NHLRC2: variants seen among roughly 807,000 people sequenced by gnomAD.
The protein encoded by NHLRC2 is NHL repeat-containing protein 2.
Under a neutral mutation model 68.1 loss-of-function variants are expected in NHLRC2, and 33 were observed. That is an observed-to-expected ratio of 0.48 (90% CI 0.37 to 0.65). The LOEUF is 0.65. NHLRC2 is among the 30% of genes least tolerant of loss of function. The probability of loss-of-function intolerance (pLI) is 0.00; values close to 1 mark genes in which losing one functional copy is unlikely to be tolerated. For missense variants in NHLRC2, 761 were observed against 853.8 expected (o/e 0.89, Z 1.35); for synonymous variants, 311 against 309.6 (o/e 1.00, Z -0.05).
rs774132656 is a variant in NHLRC2, at chr10:113,884,381, G to A, written c.1039+1G>A. The A allele has an allele frequency of 2.5e-6, 4 of 1,604,852 alleles. No homozygotes were observed. The highest frequency in any genetic ancestry group is 3.4e-6 in the Non-Finnish European group (4 of 1,174,160). On this transcript the variant is annotated splice_donor_variant, in intron 5 of 10. Transcript: ENST00000369301. LOFTEE classifies it high-confidence loss of function. The stretch of plus-strand genomic sequence containing the variant: ...TGGGATGTAGTTTTTGGAACATCAG[G>A]TATGTGAACTTTTGATATTAAATGT...
chr10:113,855,720 ACCT>A (rs1193388691), intron 1 of NHLRC2, among the ~76,000 whole-genome samples: 1 of 151,776 alleles, frequency 6.6e-6, no homozygotes, highest in Non-Finnish European at 1.5e-5. Flanking sequence ...GCTGGTCTCG[ACCT>A]CCTGATTTCA....
At chr10:113,855,232 A>C (rs1016130839) in intron 1 of NHLRC2, among the ~76,000 whole-genome samples, 182 bp downstream of exon 1, 10 of 152,300 alleles carry the variant, frequency 6.6e-5, no homozygotes, top group Middle Eastern at 3.4e-3. Flanking sequence ...CCAAGCGGCC[A>C]CCGACGGGGG....
chr10:113,861,166 A>G (rs1022887479), intron 2 of NHLRC2, among the ~76,000 whole-genome samples: 1 of 152,180 alleles, frequency 6.6e-6, no homozygotes, highest in Non-Finnish European at 1.5e-5. Context: ...AACAAACAGA[A>G]CAGAGATTGA....
rs1223753904 is a variant in NHLRC2 at position 113,915,332 on chromosome 10, A to G, written c.*6796A>G. 1 of 419,272 alleles carries G rather than the reference A, an allele frequency of 2.4e-6. No individual in the cohort carries two copies. The highest frequency in any genetic ancestry group is 4.8e-6 in the Non-Finnish European group (1 of 208,904). The allele number at this position is 419,272 out of a possible 1,614,324, so 26.0% of individuals were successfully genotyped here. On this transcript the variant is annotated 3_prime_UTR_variant, in exon 11 of 11. Coordinates refer to ENST00000369301, the MANE Select transcript of NHLRC2 (RefSeq NM_198514.4). Reference sequence around the variant, plus strand: ...ATGAACACTAAATAGCCTTATACCAAAAAGCATTCTTGTAACTGTCAGGGC... The same window carrying G: ...ATGAACACTAAATAGCCTTATACCAGAAAGCATTCTTGTAACTGTCAGGGC...
At chr10:113,858,755 A>C in intron 2 of NHLRC2, 75 bp downstream of exon 2, 8 of 1,011,642 alleles carry the variant, frequency 7.9e-6, no homozygotes, top group Non-Finnish European at 1.0e-5. Flanking sequence ...TCATTAGCTC[A>C]TAGGAGAATG....
At chr10:113,900,719 A>T (rs1255511062) in intron 6 of NHLRC2, among the ~76,000 whole-genome samples, 1 of 152,122 alleles carries the variant, frequency 6.6e-6, no homozygotes, top group Non-Finnish European at 1.5e-5. Flanking sequence ...TGCTATGTTT[A>T]TATGTTTCTT....
At chr10:113,865,272 C>T (rs1179352247) in intron 2 of NHLRC2, among the ~76,000 whole-genome samples, 1 of 149,280 alleles carries the variant, frequency 6.7e-6, no homozygotes, top group African/African-American at 2.5e-5. Flanking sequence ...TTTTAAAAAT[C>T]GCTTTTCATC....
intron 2 of NHLRC2, among the ~76,000 whole-genome samples, chr10:113,865,192 G>T (rs1195073188): frequency 6.6e-6 from 1 of 151,686 alleles, no homozygotes; most frequent in Middle Eastern, 3.2e-3. Context: ...CTCGTGATAC[G>T]CCTGCCTCGG....
chr10:113,857,990 C>A (rs1845775959), intron 1 of NHLRC2, among the ~76,000 whole-genome samples: 2 of 150,460 alleles, frequency 1.3e-5, no homozygotes, highest in African/African-American at 4.9e-5. Flanking sequence ...TCTCAGTAGC[C>A]CATTTGTATC....
intron 2 of NHLRC2, among the ~76,000 whole-genome samples, chr10:113,863,842 A>T (rs1036066191): frequency 6.6e-6 from 1 of 152,240 alleles, no homozygotes; most frequent in East Asian, 1.9e-4. Flanking sequence ...GCAATTGTAC[A>T]TTAACAAATT....
At chr10:113,889,392 A>G (rs1846112016) in intron 5 of NHLRC2, among the ~76,000 whole-genome samples, 1 of 152,178 alleles carries the variant, frequency 6.6e-6, no homozygotes, top group African/African-American at 2.4e-5. Flanking sequence ...ATAAAATACC[A>G]TGAAAATATT....
chr10:113,914,644 C>T lies in NHLRC2; in HGVS notation c.*6108C>T, dbSNP rs568447323. The T allele has an allele frequency of 6.9e-5, 15 of 215,938 alleles. No individual in the cohort carries two copies. Among genetic ancestry groups the T allele is most frequent in the Non-Finnish European group, 1.2e-4 (13 of 107,100 alleles). The allele number at this position is 215,938 out of a possible 1,614,324, so 13.4% of individuals were successfully genotyped here. A position where few individuals can be genotyped will look rare whatever the true frequency, so the allele number is the denominator to read the frequency against. On this transcript the variant is annotated 3_prime_UTR_variant, in exon 11 of 11. Coordinates refer to ENST00000369301, the MANE Select transcript of NHLRC2 (RefSeq NM_198514.4). The stretch of plus-strand genomic sequence containing the variant: ...GTTATAAACTCCCTCTCCTGAAATC[C>T]GTAAGGAAATGTGATAATAAGAAAG...
rs1269689794 is a variant in NHLRC2 at position 113,916,674 on chromosome 10, T to C, written c.*8138T>C. 5 of 152,210 alleles carry C rather than the reference T, an allele frequency of 3.3e-5. No individual in the cohort carries two copies. The East Asian group carries it at 7.7e-4, about 23-fold the overall frequency. The allele number at this position is 152,210 out of a possible 1,614,324, so 9.4% of individuals were successfully genotyped here. A position where few individuals can be genotyped will look rare whatever the true frequency, so the allele number is the denominator to read the frequency against. On this transcript the variant is annotated 3_prime_UTR_variant, in exon 11 of 11. Coordinates refer to ENST00000369301, the MANE Select transcript of NHLRC2 (RefSeq NM_198514.4). The stretch of plus-strand genomic sequence containing the variant: ...TGCAGTTTTAAATTATAACATTTCA[T>C]AAATATGTCAATTTTAGAAACTCAA...
rs180699690 is a variant in NHLRC2 at position 113,874,596 on chromosome 10, A to G, written c.332-1925A>G. ...GAGCTTGAATTCTCTAAATTTATAT[A>G]TTTAATCAAATTTTGAAAGTTGGGA... On this transcript the variant is annotated intron_variant, in intron 2 of 10. Transcript: ENST00000369301. Among the ~76,000 whole-genome samples the G allele has an allele frequency of 2.6e-5, 4 of 152,000 alleles. No individual in the cohort carries two copies. The East Asian group carries it at 7.7e-4, about 29-fold the overall frequency.
At chr10:113,882,957 C>G (rs117362991) in intron 4 of NHLRC2, among the ~76,000 whole-genome samples, 1 of 151,846 alleles carries the variant, frequency 6.6e-6, no homozygotes, top group East Asian at 1.9e-4. Flanking sequence ...GTTCTTTCTC[C>G]CTTGAATAGC....
At position 113,908,353 on chromosome 10, in the gene NHLRC2, A is replaced by C; in HGVS notation, c.1998A>C (p.Ser666=). 1 of 1,613,662 alleles carries C rather than the reference A, an allele frequency of 6.2e-7. No individual in the cohort carries two copies. Among genetic ancestry groups the C allele is most frequent in the Non-Finnish European group, 8.5e-7 (1 of 1,179,536 alleles). Reference sequence around the variant, plus strand: ...ACATTTCCAGTCAACCAACAATTTCACTACAAATTCCTGATGATTGCTTAT... The same window carrying C: ...ACATTTCCAGTCAACCAACAATTTCCCTACAAATTCCTGATGATTGCTTAT... ...IENISSQPTI[S]LQIPDDCLSL... The change falls in exon 11 of 11, where the codon TCA becomes TCC. Residue 666 remains serine (S), a synonymous_variant. Coordinates refer to ENST00000369301, the MANE Select transcript of NHLRC2 (RefSeq NM_198514.4).
intron 2 of NHLRC2, among the ~76,000 whole-genome samples, chr10:113,868,794 T>C (rs953227235): frequency 6.6e-6 from 1 of 152,208 alleles, no homozygotes; most frequent in African/African-American, 2.4e-5. Context: ...ATCTTTCTTA[T>C]GAAAGTAAAA....
At chr10:113,887,880 A>G (rs1846096476) in intron 5 of NHLRC2, among the ~76,000 whole-genome samples, 1 of 152,122 alleles carries the variant, frequency 6.6e-6, no homozygotes, top group African/African-American at 2.4e-5. Flanking sequence ...TGCTAAGTGA[A>G]ATAAGCCAAA....
chr10:113,879,790 T>A, intron 4 of NHLRC2, 95 bp downstream of exon 4: 1 of 746,178 alleles, frequency 1.3e-6, no homozygotes, highest in Non-Finnish European at 2.1e-6. Context: ...GTGATTCTTA[T>A]GTATGTCAAT....
Sources: allele counts gnomAD v4.1 joint callset (sites outside exome capture counted in the v4.1 genomes callset), GRCh38; gene constraint gnomAD v4.1.1; transcripts MANE v1.5; gene names NCBI Gene and HGNC (gene_info 2026-07-23, HGNC 2026-07-21).